TECTB: variants seen among roughly 807,000 people sequenced by gnomAD.
TECTB encodes the protein beta-tectorin.
In TECTB, 45 loss-of-function variants were observed where a neutral mutation model predicts 43.3. That is an observed-to-expected ratio of 1.04 (90% CI 0.82 to 1.33). The LOEUF (loss-of-function observed/expected upper bound fraction) is 1.33, where lower values mean the gene tolerates loss of function less well. Ranked by LOEUF, TECTB falls within the 40% of genes most tolerant of loss-of-function variation. TECTB has a pLI of 0.00. For missense variants in TECTB, 399 were observed against 404.7 expected (o/e 0.99, Z 0.12); for synonymous variants, 169 against 156.7 (o/e 1.08, Z -0.59).
chr10:112,303,626 G>A lies in TECTB; in HGVS notation c.*314G>A. On this transcript the variant is annotated 3_prime_UTR_variant, in exon 11 of 11. Transcript: ENST00000646139. Reference sequence around the variant, plus strand: ...TTGAAAGCTATTTTAACTTTAAAAGGTTAGCAGACCCAACCAAGTACTGCT... The same window carrying A: ...TTGAAAGCTATTTTAACTTTAAAAGATTAGCAGACCCAACCAAGTACTGCT... 1 of 365,986 alleles carries A rather than the reference G, an allele frequency of 2.7e-6. No homozygotes were observed. 22.7% of individuals were successfully genotyped at this position (365,986 alleles called of 1,614,324 possible). A position where few individuals can be genotyped will look rare whatever the true frequency, so the allele number is the denominator to read the frequency against.
At chr10:112,293,322 C>T (rs528208790) in intron 5 of TECTB, among the ~76,000 whole-genome samples, 21 of 152,346 alleles carry the variant, frequency 1.4e-4, no homozygotes, top group Non-Finnish European at 2.2e-4. Flanking sequence ...TCCCAACCCA[C>T]GCTGAAATCT....
At chr10:112,300,275 AAAGAAAAGAAAGAAAGAAAG>A (rs1848593775) in intron 9 of TECTB, among the ~76,000 whole-genome samples, 2 of 30,400 alleles carry the variant, frequency 6.6e-5, no homozygotes, top group African/African-American at 2.5e-4. Flanking sequence ...AGAAAGAAAG[AAAGAAAAGAAAGAAAGAAAG>A]AAAGAAAGAA....
intron 5 of TECTB, among the ~76,000 whole-genome samples, chr10:112,289,886 G>A (rs960442247): frequency 7.9e-5 from 12 of 151,950 alleles, no homozygotes; most frequent in Non-Finnish European, 1.8e-4. Context: ...ACTTCACATG[G>A]AGCAACTCCG....
chr10:112,286,388 C>T lies in TECTB; in HGVS notation c.480C>T (p.Tyr160=), dbSNP rs1385000333. 4 of 1,606,772 alleles carry T rather than the reference C, an allele frequency of 2.5e-6. No homozygotes were observed. Among genetic ancestry groups the T allele is most frequent in the African/African-American group, 2.7e-5 (2 of 74,914 alleles). ...TFESQLSLNF[Y]TNAKFSIKKE... ...AGAGCCAACTGTCTCTCAACTTCTA[C>T]ACTGTAAGTGGTCTCCAGGTTCCCA... Residue 160 remains tyrosine (Y), a synonymous_variant, in exon 5 of 11, where the codon TAC becomes TAT. Coordinates refer to ENST00000646139, the MANE Select transcript of TECTB (RefSeq NM_058222.3).
chr10:112,296,348 G>C (rs1030545933), intron 7 of TECTB, among the ~76,000 whole-genome samples: 3 of 152,098 alleles, frequency 2.0e-5, no homozygotes, highest in Non-Finnish European at 4.4e-5. Flanking sequence ...ACCATCTAGA[G>C]GCAGCTGCCA....
At chr10:112,299,290 GTA>G (rs1233409379) in intron 8 of TECTB, among the ~76,000 whole-genome samples, 200 bp from the exon 9 acceptor site, 1 of 152,188 alleles carries the variant, frequency 6.6e-6, no homozygotes, top group Admixed American at 6.5e-5. Flanking sequence ...CTTTCTCTTT[GTA>G]TTCAAGTTGG....
intron 9 of TECTB, among the ~76,000 whole-genome samples, chr10:112,300,220 CAGAAAGAAATAA>C (rs1848587555): frequency 2.2e-5 from 1 of 46,134 alleles, no homozygotes; most frequent in Non-Finnish European, 4.5e-5. Context: ...GACAGACAGA[CAGAAAGAAATAA>C]AGAAAGAAAG....
chr10:112,301,553 T>C (rs921687881), intron 9 of TECTB, among the ~76,000 whole-genome samples: 3 of 152,180 alleles, frequency 2.0e-5, no homozygotes, highest in African/African-American at 7.2e-5. Flanking sequence ...AGAGATGGGA[T>C]GGCCTGCAAA....
intron 5 of TECTB, among the ~76,000 whole-genome samples, chr10:112,289,312 ATTCCTTT>A (rs1483259710): frequency 6.6e-6 from 1 of 152,210 alleles, no homozygotes; most frequent in Non-Finnish European, 1.5e-5. Context: ...AGTACTGATC[ATTCCTTT>A]TAGACAGATA....
intron 9 of TECTB, among the ~76,000 whole-genome samples, chr10:112,300,231 AAAGAAAGAAAG>A (rs1306642655): frequency 1.0e-5 from 1 of 100,058 alleles, no homozygotes; most frequent in Non-Finnish European, 1.9e-5. Context: ...AGAAAGAAAT[AAAGAAAGAAAG>A]AAAGAAAGAA....
Position 112,298,185 on chromosome 10 carries a change from A to C in TECTB, c.788A>C (p.His263Pro), listed in dbSNP as rs754864230. 5 of 1,614,186 alleles carry C rather than the reference A, an allele frequency of 3.1e-6. No homozygotes were observed. Among genetic ancestry groups the C allele is most frequent in the Non-Finnish European group, 4.2e-6 (5 of 1,180,024 alleles). ...CCCAAACTCTCCAAGGTGTGGTTAC[A>C]CTGTGAGACGTTCATCTGCGACAGT... ...NIPKLSKVWL[H>P]CETFICDSEK... The change falls in exon 8 of 11, where the codon CAC (histidine) becomes CCC (proline). Residue 263 changes from histidine to proline, a missense_variant. By Grantham distance (77) the His-to-Pro change is moderately conservative. Coordinates refer to ENST00000646139, the MANE Select transcript of TECTB (RefSeq NM_058222.3).
intron 5 of TECTB, among the ~76,000 whole-genome samples, chr10:112,287,548 T>C (rs1444611814): frequency 1.3e-5 from 2 of 152,210 alleles, no homozygotes; most frequent in Non-Finnish European, 2.9e-5. Flanking sequence ...TCGTACTACC[T>C]CTAACTCCAT....
At chr10:112,293,667 C>A in intron 5 of TECTB, 71 bp from the exon 6 acceptor site, 1 of 1,387,786 alleles carries the variant, frequency 7.2e-7, no homozygotes, top group South Asian at 1.2e-5. Flanking sequence ...CATCCCAATT[C>A]ATCTGCTCCT....
In TECTB at chr10:112,304,521, T is replaced by C. The variant is rs563647730; in HGVS notation, c.*1209T>C. The C allele has an allele frequency of 1.8e-4, 27 of 152,214 alleles. No homozygotes were observed. The highest frequency in any genetic ancestry group is 3.2e-4 in the Non-Finnish European group (22 of 68,038). 9.4% of individuals were successfully genotyped at this position (152,214 alleles called of 1,614,324 possible). A position where few individuals can be genotyped will look rare whatever the true frequency, so the allele number is the denominator to read the frequency against. On this transcript the variant is annotated 3_prime_UTR_variant, in exon 11 of 11. Coordinates refer to ENST00000646139, the MANE Select transcript of TECTB (RefSeq NM_058222.3). ...TGGTAGAGAATTGGCTGGATTGTGATAGGAAAAGGCAGAGTTCTAAGTCCT... is the reference window on the plus strand; with the variant it reads ...TGGTAGAGAATTGGCTGGATTGTGACAGGAAAAGGCAGAGTTCTAAGTCCT...
At chr10:112,292,467 C>T (rs958441735) in intron 5 of TECTB, among the ~76,000 whole-genome samples, 1 of 152,090 alleles carries the variant, frequency 6.6e-6, no homozygotes, top group Non-Finnish European at 1.5e-5. Flanking sequence ...CAGAGTCTCA[C>T]TCTGTCACCC....
intron 7 of TECTB, among the ~76,000 whole-genome samples, chr10:112,297,674 C>T (rs1337382067): frequency 6.6e-6 from 1 of 152,130 alleles, no homozygotes; most frequent in Non-Finnish European, 1.5e-5. Flanking sequence ...TGAGCTTAGG[C>T]AGCTGTGGCA....
chr10:112,285,022 C>T (rs998385633), intron 3 of TECTB, among the ~76,000 whole-genome samples: 1 of 152,220 alleles, frequency 6.6e-6, no homozygotes, highest in Non-Finnish European at 1.5e-5. Flanking sequence ...CCTGTGCTCA[C>T]AAGCCGCCAT....
At position 112,303,410 on chromosome 10, in the gene TECTB, C is replaced by A; in HGVS notation, c.*98C>A. 1 of 1,475,578 alleles carries A rather than the reference C, an allele frequency of 6.8e-7. No homozygotes were observed. The highest frequency in any genetic ancestry group is 9.5e-7 in the Non-Finnish European group (1 of 1,055,570). The allele number at this position is 1,475,578 out of a possible 1,614,324, so 91.4% of individuals were successfully genotyped here. The stretch of plus-strand genomic sequence containing the variant: ...GCCAAAAAGAACAAACAGAAGACCA[C>A]ATTGTTGGGGGGCAGAGAATAGCAC... On this transcript the variant is annotated 3_prime_UTR_variant, in exon 11 of 11. Transcript: ENST00000646139.
At chr10:112,301,233 G>T (rs937675288) in intron 9 of TECTB, among the ~76,000 whole-genome samples, 21 of 152,066 alleles carry the variant, frequency 1.4e-4, no homozygotes, top group African/African-American at 5.1e-4. Context: ...GACCAGCCTG[G>T]CCCTGTCCCT....
Sources: allele counts gnomAD v4.1 joint callset (sites outside exome capture counted in the v4.1 genomes callset), GRCh38; gene constraint gnomAD v4.1.1; transcripts MANE v1.5; gene names NCBI Gene and HGNC (gene_info 2026-07-23, HGNC 2026-07-21).